Variants in GRM5 observed in about 807,000 individuals in gnomAD.
GRM5 encodes the protein glutamate metabotropic receptor 5.
A neutral mutation model predicts 83.1 loss-of-function variants in GRM5; 19 were observed. The ratio of observed to expected loss-of-function variants is 0.23; its 90% CI spans 0.16 to 0.34. The LOEUF (loss-of-function observed/expected upper bound fraction) is 0.34. GRM5 is among the 10% of genes least tolerant of loss of function. GRM5 has a pLI of 1.00. For synonymous variants in GRM5, 675 were observed against 633.6 expected, an observed-to-expected ratio of 1.07 and a Z score of -0.98; for missense variants, 1,160 against 1,588.3, an observed-to-expected ratio of 0.73 and a Z score of 4.58.
chr11:88,702,211 A>G (rs1941052309), intron 3 of GRM5, among the ~76,000 whole-genome samples: 2 of 152,124 alleles, frequency 1.3e-5, no homozygotes, highest in African/African-American at 2.4e-5. Context: ...TGTGGTAGAT[A>G]GATACAAGGA....
chr11:88,848,225 T>G (rs1392795844), intron 3 of GRM5, among the ~76,000 whole-genome samples: 1 of 152,180 alleles, frequency 6.6e-6, no homozygotes, highest in African/African-American at 2.4e-5. Flanking sequence ...GCGACGATTT[T>G]GACAAAATAT....
chr11:88,869,662 C>A (rs1944729223), intron 2 of GRM5, among the ~76,000 whole-genome samples: 2 of 151,590 alleles, frequency 1.3e-5, no homozygotes, highest in South Asian at 4.1e-4. Flanking sequence ...CTCATCGGGC[C>A]TTTTGCTTAT....
At position 88,629,356 on chromosome 11, in the gene GRM5, T is replaced by C. The variant is rs530464331; in HGVS notation, c.1147+23812A>G. Among the ~76,000 whole-genome samples the C allele has an allele frequency of 2.3e-4, 35 of 152,314 alleles. No individual in the cohort carries two copies. In the South Asian group the frequency reaches 7.2e-3, roughly 32 times the overall value. ...ATGTCAGCTATGCGCCGTACATATC[T>C]ATAGTCAGCTGCACCTTACCTATCC... On this transcript the variant is annotated intron_variant, in intron 4 of 9. Transcript: ENST00000305447.
chr11:88,858,610 G>A (rs1179987608), intron 2 of GRM5, among the ~76,000 whole-genome samples: 1 of 152,030 alleles, frequency 6.6e-6, no homozygotes, highest in Non-Finnish European at 1.5e-5. Flanking sequence ...CATACATGTT[G>A]AGGACAACAA....
intron 4 of GRM5, among the ~76,000 whole-genome samples, chr11:88,631,814 G>T (rs1166810460): frequency 6.6e-6 from 1 of 152,062 alleles, no homozygotes; most frequent in African/African-American, 2.4e-5. Flanking sequence ...ATTTCCATTT[G>T]GTTACAGACA....
chr11:88,888,086 C>G (rs1165869696), intron 2 of GRM5, among the ~76,000 whole-genome samples: 1 of 152,100 alleles, frequency 6.6e-6, no homozygotes, highest in Non-Finnish European at 1.5e-5. Context: ...CTCACTTACC[C>G]CTACAGAAAA....
intron 2 of GRM5, among the ~76,000 whole-genome samples, chr11:88,853,347 G>A (rs1302745466): frequency 2.6e-5 from 4 of 152,048 alleles, no homozygotes; most frequent in Admixed American, 2.6e-4. Flanking sequence ...GATGAAGTCT[G>A]AGAGGTAGAT....
At chr11:88,739,571 G>A (rs954093562) in intron 3 of GRM5, among the ~76,000 whole-genome samples, 4 of 152,014 alleles carry the variant, frequency 2.6e-5, no homozygotes. Context: ...TTCCCACGTG[G>A]GGAGGGTGGA....
chr11:88,992,248 C>CA (rs908252968), intron 2 of GRM5, among the ~76,000 whole-genome samples: 1 of 151,804 alleles, frequency 6.6e-6, no homozygotes, highest in Non-Finnish European at 1.5e-5. Context: ...TTTATGCAGC[C>CA]AAAAAACACA....
chr11:88,633,671 T>C (rs979878985), intron 4 of GRM5, among the ~76,000 whole-genome samples: 1 of 152,110 alleles, frequency 6.6e-6, no homozygotes, highest in East Asian at 1.9e-4. Flanking sequence ...ATTACCTGAC[T>C]AAATTTTTTT....
intron 8 of GRM5, among the ~76,000 whole-genome samples, chr11:88,552,115 C>G (rs1942523657): frequency 6.6e-6 from 1 of 151,716 alleles, no homozygotes; most frequent in African/African-American, 2.4e-5. Context: ...GCCTCAAACT[C>G]CTGGGCTCAA....
At chr11:88,799,903 G>A (rs528277765) in intron 3 of GRM5, among the ~76,000 whole-genome samples, 1 of 152,106 alleles carries the variant, frequency 6.6e-6, no homozygotes, top group African/African-American at 2.4e-5. Context: ...AACAGTCTGG[G>A]CTTTGATCCC....
intron 3 of GRM5, among the ~76,000 whole-genome samples, chr11:88,765,270 C>T (rs1942604821): frequency 6.6e-6 from 1 of 151,098 alleles, no homozygotes; most frequent in African/African-American, 2.4e-5. Context: ...AAGAAAAGCC[C>T]TGGGTCTGAT....
intron 3 of GRM5, among the ~76,000 whole-genome samples, chr11:88,837,059 T>A (rs1209268506): frequency 6.6e-6 from 1 of 152,210 alleles, no homozygotes; most frequent in Non-Finnish European, 1.5e-5. Context: ...AATTATTAAA[T>A]TTTCTTGATT....
intron 2 of GRM5, among the ~76,000 whole-genome samples, chr11:88,869,431 C>T (rs1944725195): frequency 6.6e-6 from 1 of 151,578 alleles, no homozygotes; most frequent in Admixed American, 6.6e-5. Context: ...TCCAGCAATG[C>T]AATGACTGTT....
chr11:88,532,882 A>G (rs1378625602), intron 8 of GRM5, among the ~76,000 whole-genome samples: 2 of 152,194 alleles, frequency 1.3e-5, no homozygotes, highest in Non-Finnish European at 2.9e-5. Flanking sequence ...ATCAGTCAGC[A>G]TATACTGCAG....
chr11:88,820,043 A>C (rs533252089), intron 3 of GRM5, among the ~76,000 whole-genome samples: 2 of 152,210 alleles, frequency 1.3e-5, no homozygotes, highest in Admixed American at 6.5e-5. Flanking sequence ...CTGGGGATTA[A>C]GTTTCCCACA....
chr11:88,552,932 G>A (rs1316961729), intron 8 of GRM5, among the ~76,000 whole-genome samples: 1 of 152,136 alleles, frequency 6.6e-6, no homozygotes, highest in South Asian at 2.1e-4. Flanking sequence ...TTTGATGTAG[G>A]GATTTGGAGT....
intron 2 of GRM5, among the ~76,000 whole-genome samples, chr11:88,904,720 C>T (rs750692366): frequency 8.5e-5 from 13 of 152,060 alleles, no homozygotes; most frequent in Non-Finnish European, 1.3e-4. Context: ...GTATTACACA[C>T]AATGCATTTT....
Sources: allele counts gnomAD v4.1 joint callset (sites outside exome capture counted in the v4.1 genomes callset), GRCh38; gene constraint gnomAD v4.1.1; transcripts MANE v1.5; gene names NCBI Gene and HGNC (gene_info 2026-07-23, HGNC 2026-07-21).